Variants in FHIP1A observed in about 807,000 individuals in gnomAD.
The protein encoded by FHIP1A is FHF complex subunit HOOK-interacting protein 1A.
Under a neutral mutation model 88.6 loss-of-function variants are expected in FHIP1A, and 61 were observed. The ratio of observed to expected loss-of-function variants is 0.69; its 90% CI spans 0.56 to 0.85. The LOEUF (loss-of-function observed/expected upper bound fraction) is 0.85, where lower values mean the gene tolerates loss of function less well. Ranked by LOEUF, FHIP1A falls within the 40% of genes least tolerant of loss-of-function variation. The pLI, the probability that FHIP1A is intolerant of heterozygous loss-of-function variation, is 0.00. For synonymous variants in FHIP1A, 478 were observed against 496.0 expected (o/e 0.96, Z 0.48); for missense variants, 1,154 against 1,273.5 (o/e 0.91, Z 1.43).
chr4:151,469,253 C>G lies in FHIP1A; in HGVS notation c.-247-13271C>G, dbSNP rs373905965. ...GCTTGTCTTGTCTACTCAGGCGTTA[C>G]TGTATACATTAAGTCAAGTAAGACT... On this transcript the variant is annotated intron_variant, in intron 2 of 13. Transcript: ENST00000435205. 3.9e-5 allele frequency among the ~76,000 whole-genome samples: 6 copies of G among 152,290 alleles called. No homozygotes were observed. In the South Asian group the frequency reaches 1.2e-3, roughly 32 times the overall value.
intron 1 of FHIP1A, among the ~76,000 whole-genome samples, chr4:151,438,304 G>T (rs569383202): frequency 4.6e-5 from 7 of 152,048 alleles, no homozygotes; most frequent in East Asian, 3.9e-4. Context: ...AGATGTTTGC[G>T]TTCTCAGGAA....
chr4:151,500,416 T>C (rs1168652165), intron 3 of FHIP1A, among the ~76,000 whole-genome samples: 3 of 148,964 alleles, frequency 2.0e-5, no homozygotes, highest in African/African-American at 7.5e-5. Flanking sequence ...TATTCTTCGA[T>C]TGTATGGAGG....
At chr4:151,490,463 G>A (rs947688509) in intron 3 of FHIP1A, among the ~76,000 whole-genome samples, 5 of 152,130 alleles carry the variant, frequency 3.3e-5, no homozygotes, top group African/African-American at 1.2e-4. Context: ...AAGGGGGAGA[G>A]CACCACATCA....
At chr4:151,603,040 C>T (rs1560793758) in intron 7 of FHIP1A, among the ~76,000 whole-genome samples, 1 of 152,142 alleles carries the variant, frequency 6.6e-6, no homozygotes. Context: ...TGGCCAGTCG[C>T]GGTGGCTCAC....
chr4:151,607,428 C>T (rs994712274), intron 7 of FHIP1A, among the ~76,000 whole-genome samples: 2 of 152,206 alleles, frequency 1.3e-5, no homozygotes, highest in Non-Finnish European at 2.9e-5. Context: ...AATAATTTCT[C>T]TATCCAGTGA....
chr4:151,624,732 C>T (rs1735886848), intron 7 of FHIP1A, among the ~76,000 whole-genome samples: 2 of 152,140 alleles, frequency 1.3e-5, no homozygotes, highest in Non-Finnish European at 2.9e-5. Flanking sequence ...GCTGTCACCT[C>T]CATTCACCTC....
intron 2 of FHIP1A, among the ~76,000 whole-genome samples, chr4:151,470,686 G>A (rs918546860): frequency 1.3e-5 from 2 of 152,114 alleles, no homozygotes; most frequent in African/African-American, 4.8e-5. Context: ...ATAATACAAT[G>A]AGAATAAAGA....
chr4:151,610,432 A>G (rs977326445), intron 7 of FHIP1A, among the ~76,000 whole-genome samples: 4 of 152,210 alleles, frequency 2.6e-5, no homozygotes, highest in Non-Finnish European at 5.9e-5. Context: ...CAAATTTGGC[A>G]TATTGCCAGG....
intron 7 of FHIP1A, among the ~76,000 whole-genome samples, chr4:151,620,855 C>G (rs1262385647): frequency 6.8e-6 from 1 of 147,142 alleles, no homozygotes; most frequent in African/African-American, 2.5e-5. Context: ...AGAAAGGGTC[C>G]CACCCTCCCT....
chr4:151,620,142 G>GGCACAAGCTTTGCAGGGCCACT (rs2126862107), intron 7 of FHIP1A, among the ~76,000 whole-genome samples: 1 of 152,286 alleles, frequency 6.6e-6, no homozygotes, highest in East Asian at 1.9e-4. Flanking sequence ...TTATTGGAAA[G>GGCACAAGCTTTGCAGGGCCACT]GCACAAGCTT....
At chr4:151,511,542 G>A (rs576535446) in intron 3 of FHIP1A, among the ~76,000 whole-genome samples, 3 of 152,344 alleles carry the variant, frequency 2.0e-5, no homozygotes, top group Admixed American at 6.5e-5. Flanking sequence ...CAAAGAAAGG[G>A]GTGACAGACG....
chr4:151,601,290 T>C (rs1560792848), intron 7 of FHIP1A, among the ~76,000 whole-genome samples: 1 of 151,752 alleles, frequency 6.6e-6, no homozygotes, highest in Non-Finnish European at 1.5e-5. Context: ...ACAGGTCTAC[T>C]GGGGGGGCAT....
intron 7 of FHIP1A, among the ~76,000 whole-genome samples, chr4:151,614,423 C>T (rs1251497229): frequency 6.7e-6 from 1 of 149,712 alleles, no homozygotes; most frequent in African/African-American, 2.5e-5. Flanking sequence ...AAGCGGTGAT[C>T]ACGCCACTGT....
chr4:151,613,402 A>C (rs1266874519), intron 7 of FHIP1A, among the ~76,000 whole-genome samples: 1 of 152,212 alleles, frequency 6.6e-6, no homozygotes, highest in Admixed American at 6.5e-5. Flanking sequence ...AGGTGGTAGA[A>C]GACAATATCT....
intron 7 of FHIP1A, among the ~76,000 whole-genome samples, chr4:151,609,575 C>CT (rs11442404): frequency 0.26 from 39,503 of 151,328 alleles, 5,762 homozygotes; most frequent in Non-Finnish European, 0.33. Context: ...ACATTTGCTT[C>CT]TTTTTTTTTA....
At position 151,522,256 on chromosome 4, in the gene FHIP1A, T is replaced by C. The variant is rs577857935; in HGVS notation, c.-123+39608T>C. Among the ~76,000 whole-genome samples, 460 of 152,302 alleles carry C rather than the reference T, an allele frequency of 3.0e-3. 2 individuals are homozygous for C. Among genetic ancestry groups the C allele is most frequent in the African/African-American group, 0.011 (447 of 41,562 alleles). On this transcript the variant is annotated intron_variant, in intron 3 of 13. Coordinates refer to ENST00000435205, the MANE Select transcript of FHIP1A (RefSeq NM_001109977.3). ...TGCTGATCCAGTTTCTGGATCACTG[T>C]GGATACAGGGTATGGGGGCCACTCT... is the stretch of plus-strand genomic sequence containing the variant.
chr4:151,592,614 G>T (rs553617865), intron 7 of FHIP1A, among the ~76,000 whole-genome samples: 3 of 151,692 alleles, frequency 2.0e-5, no homozygotes, highest in South Asian at 4.2e-4. Context: ...TTTTGGTGGG[G>T]TTTTTTCTTG....
In FHIP1A at chr4:151,646,589, A is replaced by C; in HGVS notation, c.1258A>C (p.Ser420Arg). 6.4e-7 allele frequency: 1 copy of C among 1,551,592 alleles called. No homozygotes were observed. ...YLIPCNHMML[S>R]QRWAVKERDC... ...GATCCCCTGCAATCACATGATGCTG[A>C]GTCAGAGGTGGGCTGTGAAGGAGAG... The change falls in exon 10 of 14, where the codon AGT becomes CGT. Residue 420 changes from serine to arginine, a missense_variant. Coordinates refer to ENST00000435205, the MANE Select transcript of FHIP1A (RefSeq NM_001109977.3).
chr4:151,587,634 A>G (rs1313043136), intron 6 of FHIP1A, among the ~76,000 whole-genome samples: 1 of 151,920 alleles, frequency 6.6e-6, no homozygotes, highest in Non-Finnish European at 1.5e-5. Context: ...ATCATTTAGC[A>G]TTAGGTATAT....
Sources: gnomAD v4.1 joint callset for allele counts (sites outside exome capture counted in the v4.1 genomes callset) on GRCh38, gnomAD v4.1.1 for gene constraint, MANE v1.5 for transcripts, NCBI Gene and HGNC (gene_info 2026-07-23, HGNC 2026-07-21) for gene names.